Variants in LRRK1 observed in about 807,000 individuals in gnomAD.
LRRK1 encodes leucine rich repeat kinase 1, also known as leucine-rich repeat serine/threonine-protein kinase 1.
LRRK1 carries 113 observed loss-of-function variants against 209.1 expected under a neutral mutation model. The ratio of observed to expected loss-of-function variants is 0.54; its 90% CI spans 0.46 to 0.63. The LOEUF (loss-of-function observed/expected upper bound fraction) is 0.63. Among genes scored for constraint, LRRK1 ranks in the 30% least tolerant of loss-of-function variants. The pLI is 0.00. For missense variants in LRRK1, 2,284 were observed against 2,632.2 expected, an observed-to-expected ratio of 0.87 and a Z score of 2.89; for synonymous variants, 1,144 against 1,099.7, an observed-to-expected ratio of 1.04 and a Z score of -0.80.
intron 6 of LRRK1, among the ~76,000 whole-genome samples, chr15:101,005,328 G>T (rs2032892002): frequency 6.6e-6 from 1 of 151,564 alleles, no homozygotes; most frequent in African/African-American, 2.4e-5. Flanking sequence ...ACGACCACCG[G>T]AAACAATATT....
intron 22 of LRRK1, 65 bp downstream of exon 22, chr15:101,048,722 G>A (rs973019461): frequency 3.4e-5 from 46 of 1,337,538 alleles, no homozygotes; most frequent in Non-Finnish European, 4.3e-5. Flanking sequence ...GCGGGGCCAC[G>A]TCAGCAGGAT....
At chr15:100,927,877 C>G (rs753966420) in intron 2 of LRRK1, among the ~76,000 whole-genome samples, 7 of 152,222 alleles carry the variant, frequency 4.6e-5, no homozygotes, top group Non-Finnish European at 8.8e-5. Flanking sequence ...ATTCCAGGGA[C>G]TAAAGCCTAC....
Position 101,045,507 on chromosome 15 carries a change from G to A in LRRK1, c.2964-474G>A, listed in dbSNP as rs577984945. ...TTTAAGGCAATCGCGTCGTGTCAAC[G>A]GGCCAAGAATAATAAATAGCTTTAA... is the stretch of plus-strand genomic sequence containing the variant. On this transcript the variant is annotated intron_variant, in intron 20 of 33. Coordinates refer to ENST00000388948, the MANE Select transcript of LRRK1 (RefSeq NM_024652.6). Among the ~76,000 whole-genome samples the A allele has an allele frequency of 1.3e-4, 20 of 152,224 alleles. No homozygotes were observed. In the South Asian group the frequency reaches 1.5e-3, roughly 11 times the overall value.
intron 6 of LRRK1, among the ~76,000 whole-genome samples, chr15:101,003,533 C>T (rs2032801010): frequency 6.6e-6 from 1 of 152,182 alleles, no homozygotes; most frequent in African/African-American, 2.4e-5. Flanking sequence ...GCCTCACAAT[C>T]ATGGCAGAAG....
intron 3 of LRRK1, among the ~76,000 whole-genome samples, chr15:100,979,550 G>T (rs1391534477): frequency 6.6e-6 from 1 of 152,002 alleles, no homozygotes. Flanking sequence ...ATCCATAAAA[G>T]AAATGATTTA....
At chr15:101,019,750 G>A (rs2033693497) in intron 12 of LRRK1, among the ~76,000 whole-genome samples, 1 of 152,188 alleles carries the variant, frequency 6.6e-6, no homozygotes. Context: ...TGAGGCAGTT[G>A]TTTAATCTTG....
chr15:100,922,575 A>G (rs1014951213), intron 1 of LRRK1, among the ~76,000 whole-genome samples: 4 of 152,286 alleles, frequency 2.6e-5, no homozygotes, highest in African/African-American at 9.6e-5. Flanking sequence ...CTGAAAGCAG[A>G]TGGCAACTGT....
In LRRK1 at chr15:101,051,992, T is replaced by C. The variant is rs188772488; in HGVS notation, c.3689+32T>C. 2.7e-4 allele frequency: 434 copies of C among 1,600,680 alleles called. 1 individual carries two copies. The African/African-American group carries it at 5.1e-3, about 19-fold the overall frequency. On this transcript the variant is annotated intron_variant, in intron 24 of 33. Coordinates refer to ENST00000388948, the MANE Select transcript of LRRK1 (RefSeq NM_024652.6). ...CCCGAAGGCCCCTCCCAGAACACAGTGCAGGTCACAGGGGGCGTTCCTCGC... is the reference window on the plus strand; with the variant it reads ...CCCGAAGGCCCCTCCCAGAACACAGCGCAGGTCACAGGGGGCGTTCCTCGC...
chr15:101,043,991 A>G (rs7165368), intron 20 of LRRK1: 133,705 of 152,132 alleles, frequency 0.88, 59,047 homozygotes, highest in Middle Eastern at 0.94. Context: ...CGTGGTAGGT[A>G]CTCATAGCCA....
chr15:101,053,290 C>A lies in LRRK1; in HGVS notation c.3924C>A (p.Ala1308=). 1 of 1,606,476 alleles carries A rather than the reference C, an allele frequency of 6.2e-7. No homozygotes were observed. Residue 1308 remains alanine (A), a synonymous_variant, in exon 26 of 34, where the codon GCC becomes GCA. Transcript: ENST00000388948. ...MKNFSEFRQE[A]SMLHALQHPC... ...ACTTCTCCGAGTTCCGGCAGGAGGC[C>A]AGCATGCTGCACGCGCTGCAGCACC... is the stretch of plus-strand genomic sequence containing the variant.
intron 24 of LRRK1, among the ~76,000 whole-genome samples, chr15:101,052,452 G>A (rs575536170): frequency 2.5e-5 from 3 of 121,354 alleles, no homozygotes; most frequent in African/African-American, 1.1e-4. Flanking sequence ...CCAGAGCCTC[G>A]TTTACCTTCT....
intron 2 of LRRK1, among the ~76,000 whole-genome samples, chr15:100,951,023 A>C (rs1185538129): frequency 1.3e-5 from 2 of 152,220 alleles, no homozygotes; most frequent in African/African-American, 4.8e-5. Flanking sequence ...GAATGGCGTG[A>C]ACCCGGGAGG....
rs563019447 is a variant in LRRK1, at chr15:101,026,275, G to A, written c.2405+138G>A. On this transcript the variant is annotated intron_variant, in intron 17 of 33. Transcript: ENST00000388948. The stretch of plus-strand genomic sequence containing the variant: ...CTGGCCAAGGGTGGCCATCCACAGA[G>A]CTGACCCAGCCTTGGGGAGGGTGAA... 4 of 816,468 alleles carry A rather than the reference G, an allele frequency of 4.9e-6. No homozygotes were observed. The East Asian group carries it at 1.1e-4, about 22-fold the overall frequency. 50.6% of individuals were successfully genotyped at this position (816,468 alleles called of 1,614,324 possible). A position where few individuals can be genotyped will look rare whatever the true frequency, so the allele number is the denominator to read the frequency against.
chr15:101,025,336 C>T (rs1448396274), intron 16 of LRRK1, among the ~76,000 whole-genome samples: 1 of 152,156 alleles, frequency 6.6e-6, no homozygotes, highest in Non-Finnish European at 1.5e-5. Flanking sequence ...TGGAGGAGGT[C>T]ACAGAACACC....
At chr15:101,000,242 G>T (rs372232690) in intron 6 of LRRK1, among the ~76,000 whole-genome samples, 11 of 152,226 alleles carry the variant, frequency 7.2e-5, no homozygotes, top group African/African-American at 2.6e-4. Flanking sequence ...AAATTTAATA[G>T]CTGATTTTTC....
At chr15:100,958,331 T>C (rs2042806747) in intron 2 of LRRK1, among the ~76,000 whole-genome samples, 1 of 152,250 alleles carries the variant, frequency 6.6e-6, no homozygotes, top group Non-Finnish European at 1.5e-5. Flanking sequence ...GCTTCAGCTG[T>C]ATGCTGGGCA....
At chr15:101,063,503 G>GGCTC (rs2036318047) in intron 31 of LRRK1, among the ~76,000 whole-genome samples, 1 of 152,186 alleles carries the variant, frequency 6.6e-6, no homozygotes, top group Non-Finnish European at 1.5e-5. Context: ...GGCTTTTCCG[G>GGCTC]GCTCCTCCGC....
At chr15:100,939,761 C>T (rs1032104512) in intron 2 of LRRK1, among the ~76,000 whole-genome samples, 1 of 151,286 alleles carries the variant, frequency 6.6e-6, no homozygotes, top group Non-Finnish European at 1.5e-5. Flanking sequence ...CCCTGAGTTA[C>T]AGTTTGTACA....
At chr15:101,033,599 T>C (rs1380721344) in intron 20 of LRRK1, among the ~76,000 whole-genome samples, 1 of 152,214 alleles carries the variant, frequency 6.6e-6, no homozygotes, top group Non-Finnish European at 1.5e-5. Context: ...AATGACATGA[T>C]TTCATTCTCT....
Sources: allele counts gnomAD v4.1 joint callset (sites outside exome capture counted in the v4.1 genomes callset), GRCh38; gene constraint gnomAD v4.1.1; transcripts MANE v1.5; gene names NCBI Gene and HGNC (gene_info 2026-07-23, HGNC 2026-07-21).